Variants in NRXN1 observed in about 807,000 individuals in gnomAD.
The protein encoded by NRXN1 is neurexin-1.
Under a neutral mutation model 150.9 loss-of-function variants are expected in NRXN1, and 39 were observed. That is an observed-to-expected ratio of 0.26 (90% CI 0.20 to 0.34). The LOEUF is 0.34. Among genes scored for constraint, NRXN1 ranks in the 10% least tolerant of loss-of-function variants. The probability of loss-of-function intolerance (pLI) is 1.00; values close to 1 mark genes in which losing one functional copy is unlikely to be tolerated. For synonymous variants in NRXN1, 924 were observed against 757.0 expected, an observed-to-expected ratio of 1.22 and a Z score of -3.62; for missense variants, 1,815 against 1,949.9, an observed-to-expected ratio of 0.93 and a Z score of 1.30.
At chr2:50,244,004 T>A (rs1362296473) in intron 17 of NRXN1, among the ~76,000 whole-genome samples, 1 of 151,836 alleles carries the variant, frequency 6.6e-6, no homozygotes, top group Non-Finnish European at 1.5e-5. Context: ...TGCGCTTCAA[T>A]AAAAAATGAA....
At chr2:50,987,603 A>G (rs1408725376) in intron 2 of NRXN1, among the ~76,000 whole-genome samples, 1 of 152,020 alleles carries the variant, frequency 6.6e-6, no homozygotes, top group Non-Finnish European at 1.5e-5. Flanking sequence ...TCAGCGCTTC[A>G]TGACCACTAA....
chr2:50,489,472 T>C (rs1230991026), intron 15 of NRXN1, among the ~76,000 whole-genome samples: 1 of 149,198 alleles, frequency 6.7e-6, no homozygotes, highest in Non-Finnish European at 1.5e-5. Flanking sequence ...TTGAGATTGA[T>C]ATGAGCAACG....
intron 18 of NRXN1, among the ~76,000 whole-genome samples, chr2:50,234,101 T>G (rs2065202627): frequency 6.6e-6 from 1 of 152,074 alleles, no homozygotes. Flanking sequence ...CTTTCTTTTA[T>G]TATTCCATGC....
In NRXN1 at chr2:50,346,917, C is replaced by A; in HGVS notation, c.3365-109947G>T. 2.3e-6 allele frequency: 3 copies of A among 1,299,560 alleles called. No homozygotes were observed. Among genetic ancestry groups the A allele is most frequent in the Non-Finnish European group, 2.9e-6 (3 of 1,023,362 alleles). 80.5% of individuals were successfully genotyped at this position (1,299,560 alleles called of 1,614,324 possible). On this transcript the variant is annotated intron_variant, in intron 17 of 22. Coordinates refer to ENST00000401669, the MANE Select transcript of NRXN1 (RefSeq NM_001330078.2). The surrounding 1 kb of genome is among the most constrained non-coding windows in gnomAD (Gnocchi z 5.0). The stretch of plus-strand genomic sequence containing the variant: ...CGCCGCCGCCCCCGGGCGAGCCCAG[C>A]TCGGCGCCGCACCGGAGCATCCTCT...
At position 50,352,770 on chromosome 2, in the gene NRXN1, TAATAATATTATA is replaced by T. The variant is rs1263586025; in HGVS notation, c.3364+112660_3364+112671del. Among the ~76,000 whole-genome samples the T allele has an allele frequency of 6.3e-4, 82 of 129,452 alleles. 2 individuals are homozygous for T. The highest frequency in any genetic ancestry group is 2.1e-3 in the Admixed American group (26 of 12,652). The allele number at this position is 129,452 out of a possible 152,430, so 84.9% of individuals were successfully genotyped here. A position where few individuals can be genotyped will look rare whatever the true frequency, so the allele number is the denominator to read the frequency against. On this transcript the variant is annotated intron_variant, in intron 17 of 22. Transcript: ENST00000401669. ...AGAGCATTGATAATAATAATAATAA[TAATAATATTATA>T]ATAATAATAATAATAATAATAATAA...
intron 5 of NRXN1, among the ~76,000 whole-genome samples, chr2:50,900,784 C>T (rs560054621): frequency 6.6e-6 from 1 of 152,228 alleles, no homozygotes; most frequent in African/African-American, 2.4e-5. Flanking sequence ...CTAAGAGAAA[C>T]CAGCTAAAGC....
At chr2:50,191,226 G>C (rs575641703) in intron 18 of NRXN1, among the ~76,000 whole-genome samples, 47 of 146,162 alleles carry the variant, frequency 3.2e-4, no homozygotes, top group African/African-American at 1.1e-3. Context: ...TTTTAGTAGA[G>C]ACGGGGTTTC....
At chr2:50,818,272 T>C (rs757489477) in intron 5 of NRXN1, among the ~76,000 whole-genome samples, 2 of 151,772 alleles carry the variant, frequency 1.3e-5, no homozygotes, top group South Asian at 2.1e-4. Flanking sequence ...TTTAGATAGT[T>C]TGGACATCTT....
intron 12 of NRXN1, among the ~76,000 whole-genome samples, chr2:50,511,095 C>G (rs1272036972): frequency 6.6e-6 from 1 of 151,824 alleles, no homozygotes; most frequent in African/African-American, 2.4e-5. Flanking sequence ...GAATCTCGCT[C>G]TGTTGCTCAG....
intron 8 of NRXN1, among the ~76,000 whole-genome samples, chr2:50,597,117 T>C (rs748809128): frequency 6.6e-6 from 1 of 152,080 alleles, no homozygotes; most frequent in Non-Finnish European, 1.5e-5. Context: ...AGTGCTAGGA[T>C]TTCAGGAACG....
chr2:50,888,738 C>T (rs536138513), intron 5 of NRXN1, among the ~76,000 whole-genome samples: 20 of 151,592 alleles, frequency 1.3e-4, no homozygotes, highest in Non-Finnish European at 2.2e-4. Flanking sequence ...AATAATCATA[C>T]AAAATCAGAA....
chr2:50,979,134 TA>T, intron 2 of NRXN1: 2 of 379,018 alleles, frequency 5.3e-6, no homozygotes, highest in Middle Eastern at 8.7e-4. Flanking sequence ...AGAGAATATT[TA>T]AAACCTTGAT....
chr2:50,437,628 C>T (rs1310137834), intron 17 of NRXN1, among the ~76,000 whole-genome samples: 1 of 152,042 alleles, frequency 6.6e-6, no homozygotes, highest in Non-Finnish European at 1.5e-5. Context: ...AAGGTGGAGG[C>T]AAACTCTTGT....
At chr2:50,940,492 A>G (rs1043776136) in intron 2 of NRXN1, among the ~76,000 whole-genome samples, 2 of 151,822 alleles carry the variant, frequency 1.3e-5, no homozygotes, top group Non-Finnish European at 2.9e-5. Flanking sequence ...AAAAAAAAGA[A>G]AAGAAAAGAA....
intron 8 of NRXN1, among the ~76,000 whole-genome samples, chr2:50,578,665 T>C (rs1671793562): frequency 6.6e-6 from 1 of 152,170 alleles, no homozygotes; most frequent in African/African-American, 2.4e-5. Context: ...TAGGCTTGTA[T>C]ATCCACCATC....
chr2:50,432,543 C>G (rs978649317), intron 17 of NRXN1, among the ~76,000 whole-genome samples: 54 of 152,278 alleles, frequency 3.5e-4, no homozygotes, highest in African/African-American at 1.1e-3. Context: ...CTGGTACACC[C>G]TACAACAAAT....
intron 21 of NRXN1, among the ~76,000 whole-genome samples, chr2:49,976,296 G>T (rs946488120): frequency 1.3e-5 from 2 of 151,520 alleles, no homozygotes; most frequent in African/African-American, 4.9e-5. Context: ...GCCTCCCAAA[G>T]TACCAGGATT....
chr2:49,979,665 G>T (rs1215189286), intron 21 of NRXN1, among the ~76,000 whole-genome samples: 1 of 152,140 alleles, frequency 6.6e-6, no homozygotes, highest in East Asian at 1.9e-4. Flanking sequence ...AAATATTTTG[G>T]ACTGTTTTCA....
intron 22 of NRXN1, among the ~76,000 whole-genome samples, chr2:49,941,912 A>C (rs1265133506): frequency 3.3e-5 from 5 of 152,172 alleles, no homozygotes; most frequent in Non-Finnish European, 7.4e-5. Flanking sequence ...GCGTAGAAGA[A>C]ATGGGGAAGG....
Sources: allele counts gnomAD v4.1 joint callset (sites outside exome capture counted in the v4.1 genomes callset), GRCh38; gene constraint gnomAD v4.1.1; non-coding constraint Gnocchi (gnomAD v3.1); transcripts MANE v1.5; gene names NCBI Gene and HGNC (gene_info 2026-07-23, HGNC 2026-07-21).